The following TBCD variants were observed in gnomAD, a reference collection of about 807,000 sequenced individuals.
TBCD encodes the protein tubulin-specific chaperone D.
Under a neutral mutation model 169.3 loss-of-function variants are expected in TBCD, and 105 were observed. The ratio of observed to expected loss-of-function variants is 0.62; its 90% CI spans 0.53 to 0.73. TBCD has a LOEUF of 0.73. Among genes scored for constraint, TBCD ranks in the 30% least tolerant of loss-of-function variants. TBCD has a pLI of 0.00. For missense variants in TBCD, 1,444 were observed against 1,600.1 expected (o/e 0.90, Z 1.66); for synonymous variants, 700 against 643.9 (o/e 1.09, Z -1.32).
rs562719767 is a variant in TBCD at position 82,805,039 on chromosome 17, T to C, written c.951-836T>C. Among the ~76,000 whole-genome samples, 3 of 152,356 alleles carry C rather than the reference T, an allele frequency of 2.0e-5. No individual in the cohort carries two copies. The South Asian group carries it at 6.2e-4, about 32-fold the overall frequency. On this transcript the variant is annotated intron_variant, in intron 9 of 38. Transcript: ENST00000355528. ...CCCTGAACTCTCACTGGACACCTTT[T>C]CTGCATGAGACCGGGGAAGCAGGGC... is the stretch of plus-strand genomic sequence containing the variant.
chr17:82,809,365 C>G (rs950622227), intron 11 of TBCD, among the ~76,000 whole-genome samples: 2 of 152,216 alleles, frequency 1.3e-5, no homozygotes, highest in East Asian at 1.9e-4. Flanking sequence ...AAGCCCGGCT[C>G]CAGTAGGGAG....
At chr17:82,800,081 A>C (rs759368173) in intron 8 of TBCD, among the ~76,000 whole-genome samples, 4 of 131,180 alleles carry the variant, frequency 3.0e-5, no homozygotes, top group African/African-American at 6.0e-5. Context: ...CCATCACCTC[A>C]CCTAACTCTC....
intron 38 of TBCD, chr17:82,941,885 C>T (rs1389652306): frequency 4.2e-6 from 1 of 239,036 alleles, no homozygotes; most frequent in Non-Finnish European, 7.8e-6. Context: ...CTGTGCACCT[C>T]ACCAGCCCGT....
At chr17:82,758,395 A>AAAAAAT (rs1555672602) in intron 2 of TBCD, among the ~76,000 whole-genome samples, 3 of 129,662 alleles carry the variant, frequency 2.3e-5, no homozygotes, top group African/African-American at 9.9e-5. Context: ...AAAAAAAAAA[A>AAAAAAT]AAAAAAAATA....
At chr17:82,772,356 C>T (rs1297633846) in intron 5 of TBCD, 96 bp from the exon 6 acceptor site, 18 of 1,298,270 alleles carry the variant, frequency 1.4e-5, no homozygotes, top group South Asian at 2.4e-5. Flanking sequence ...CCTGGGCCCT[C>T]GGGGAGCTGG....
rs566357365 is a variant in TBCD, at chr17:82,864,360, G to T, written c.1319-5864G>T. Reference sequence around the variant, plus strand: ...CCCCCATCCAGGCAGATCGAGTGCCGGCTCTCTGTGCTCTCCAGGAGGTGG... The same window carrying T: ...CCCCCATCCAGGCAGATCGAGTGCCTGCTCTCTGTGCTCTCCAGGAGGTGG... On this transcript the variant is annotated intron_variant, in intron 13 of 38. Transcript: ENST00000355528. The surrounding 1 kb of genome is among the most constrained non-coding windows in gnomAD (Gnocchi z 6.3). 1 of 152,248 alleles carries T rather than the reference G, an allele frequency of 6.6e-6. No homozygotes were observed. Among genetic ancestry groups the T allele is most frequent in the Non-Finnish European group, 1.5e-5 (1 of 68,070 alleles). The allele number at this position is 152,248 out of a possible 1,614,324, so 9.4% of individuals were successfully genotyped here. A position where few individuals can be genotyped will look rare whatever the true frequency, so the allele number is the denominator to read the frequency against.
Position 82,890,233 on chromosome 17 carries a change from T to C in TBCD, c.1563+536T>C, listed in dbSNP as rs886523474. Reference sequence around the variant, plus strand: ...TGAATGGGGGGCCCCAGGTTACTCATGTTGTGTGTGATGACGTCACATCTT... The same window carrying C: ...TGAATGGGGGGCCCCAGGTTACTCACGTTGTGTGTGATGACGTCACATCTT... On this transcript the variant is annotated intron_variant, in intron 16 of 38. Transcript: ENST00000355528. The surrounding 1 kb of genome is among the most constrained non-coding windows in gnomAD (Gnocchi z 5.3). Among the ~76,000 whole-genome samples the C allele has an allele frequency of 6.6e-6, 1 of 151,908 alleles. No individual in the cohort carries two copies. Among genetic ancestry groups the C allele is most frequent in the Non-Finnish European group, 1.5e-5 (1 of 68,020 alleles).
At chr17:82,900,900 G>A (rs2146661659) in intron 18 of TBCD, among the ~76,000 whole-genome samples, 169 bp downstream of exon 18, 1 of 152,372 alleles carries the variant, frequency 6.6e-6, no homozygotes, top group East Asian at 1.9e-4. Context: ...GTTGAGTCAT[G>A]GTCTGTCTCC....
Position 82,889,553 on chromosome 17 carries a change from T to G in TBCD, c.1534-115T>G, listed in dbSNP as rs150290800. On this transcript the variant is annotated intron_variant, in intron 15 of 38. Transcript: ENST00000355528. This position sits in a 1 kb window ranked among gnomAD's most constrained non-coding sequence, Gnocchi z 5.3. ...CTGTTCAGCCAACAATGAGGGCTTT[T>G]ATTTAAAAAATAAAGCCGTGGGTCA... 7.7e-7 allele frequency: 1 copy of G among 1,291,830 alleles called. No individual in the cohort carries two copies. Among genetic ancestry groups the G allele is most frequent in the Non-Finnish European group, 1.1e-6 (1 of 914,286 alleles). 80.0% of individuals were successfully genotyped at this position (1,291,830 alleles called of 1,614,324 possible).
In TBCD at chr17:82,943,810, T is replaced by TTTTA. The variant is rs1267130189; in HGVS notation, c.*1350_*1353dup. Reference sequence around the variant, plus strand: ...GTTACATTTTTACGAGATTTAAATATTTTATTCCAACCTGTGTAATAGGGG... The same window carrying TTTTA: ...GTTACATTTTTACGAGATTTAAATATTTTATTTATTCCAACCTGTGTAATAGGGG... On this transcript the variant is annotated 3_prime_UTR_variant, in exon 39 of 39. Coordinates refer to ENST00000355528, the MANE Select transcript of TBCD (RefSeq NM_005993.5). 1.2e-4 allele frequency: 19 copies of TTTTA among 152,374 alleles called. No individual in the cohort carries two copies. The highest frequency in any genetic ancestry group is 2.1e-4 in the Non-Finnish European group (14 of 68,060). 9.4% of individuals were successfully genotyped at this position (152,374 alleles called of 1,614,324 possible).
chr17:82,772,401 A>G (rs1489176566), intron 5 of TBCD, 51 bp from the exon 6 acceptor site: 2 of 1,604,112 alleles, frequency 1.2e-6, no homozygotes, highest in South Asian at 2.2e-5. Flanking sequence ...GGTGTCCCCA[A>G]GGCTGGCGTG....
At position 82,929,276 on chromosome 17, in the gene TBCD, T is replaced by C. The variant is rs368236538; in HGVS notation, c.2852+5T>C. ...ACTGGAAAAGCTGTTTCCCAGGTAC[T>C]GTCGGGGTGTAGGCCCCCCGTGCTG... On this transcript the variant is annotated splice_donor_5th_base_variant and intron_variant, in intron 31 of 38. Coordinates refer to ENST00000355528, the MANE Select transcript of TBCD (RefSeq NM_005993.5). 9 of 1,613,222 alleles carry C rather than the reference T, an allele frequency of 5.6e-6. No individual in the cohort carries two copies. Among genetic ancestry groups the C allele is most frequent in the Non-Finnish European group, 7.6e-6 (9 of 1,179,348 alleles).
At chr17:82,860,511 G>A in intron 13 of TBCD, 1 of 901,034 alleles carries the variant, frequency 1.1e-6, no homozygotes, top group Non-Finnish European at 1.3e-6. Flanking sequence ...TTTGCAAACA[G>A]CAATTACTTG....
intron 13 of TBCD, among the ~76,000 whole-genome samples, chr17:82,839,380 TGTAC>T (rs1254237274): frequency 1.3e-5 from 2 of 151,332 alleles, no homozygotes; most frequent in East Asian, 3.9e-4. Context: ...TTCAGCCTAA[TGTAC>T]ATACACCACA....
At chr17:82,754,685 G>C (rs1055262079) in intron 1 of TBCD, among the ~76,000 whole-genome samples, 1 of 152,214 alleles carries the variant, frequency 6.6e-6, no homozygotes, top group African/African-American at 2.4e-5. Flanking sequence ...GCATGAGGGG[G>C]TTGCCTGGAT....
In TBCD at chr17:82,922,750, A is replaced by T. The variant is rs56020213; in HGVS notation, c.2179-902A>T. On this transcript the variant is annotated intron_variant, in intron 25 of 38. Transcript: ENST00000355528. The surrounding 1 kb of genome is among the most constrained non-coding windows in gnomAD (Gnocchi z 4.1). ...CGCACCTCCTCTGCTCATGGCCCCC[A>T]CCTGCCCCGCCCCCAGTGCCTCTCC... is the stretch of plus-strand genomic sequence containing the variant. 0.027 allele frequency among the ~76,000 whole-genome samples: 4,168 copies of T among 152,174 alleles called. 201 individuals carry two copies. Among genetic ancestry groups the T allele is most frequent in the African/African-American group, 0.094 (3,919 of 41,512 alleles).
At chr17:82,760,455 CT>C (rs929181475) in intron 2 of TBCD, among the ~76,000 whole-genome samples, 2 of 151,794 alleles carry the variant, frequency 1.3e-5, no homozygotes, top group African/African-American at 4.8e-5. Context: ...TTCCTGGAGA[CT>C]TTTTTTTAGG....
At chr17:82,770,435 A>G (rs1435117772) in intron 5 of TBCD, among the ~76,000 whole-genome samples, 1 of 151,904 alleles carries the variant, frequency 6.6e-6, no homozygotes, top group Non-Finnish European at 1.5e-5. Flanking sequence ...CCTTGTCTCT[A>G]CTAAAAATAC....
intron 13 of TBCD, among the ~76,000 whole-genome samples, 179 bp downstream of exon 13, chr17:82,815,113 C>T (rs564115271): frequency 6.6e-6 from 1 of 152,182 alleles, no homozygotes; most frequent in East Asian, 1.9e-4. Flanking sequence ...GCGGTGTGGC[C>T]CTGCCGCGGG....
Sources: gnomAD v4.1 joint callset for allele counts (sites outside exome capture counted in the v4.1 genomes callset) on GRCh38, gnomAD v4.1.1 for gene constraint, Gnocchi (gnomAD v3.1) non-coding constraint, MANE v1.5 for transcripts, NCBI Gene and HGNC (gene_info 2026-07-23, HGNC 2026-07-21) for gene names.